Variants in CFAP47 observed in about 807,000 individuals in gnomAD.
CFAP47 encodes cilia- and flagella-associated protein 47.
A neutral mutation model predicts 148.1 loss-of-function variants in CFAP47; 29 were observed. That is an observed-to-expected ratio of 0.20 (90% CI 0.15 to 0.27). The LOEUF is 0.27. Ranked by LOEUF, CFAP47 falls within the 10% of genes least tolerant of loss-of-function variation. The probability of loss-of-function intolerance (pLI) is 1.00; values close to 1 mark genes in which losing one functional copy is unlikely to be tolerated. For missense variants in CFAP47, 1,872 were observed against 1,697.5 expected (o/e 1.10, Z -1.81); for synonymous variants, 664 against 577.3 (o/e 1.15, Z -2.15).
intron 2 of CFAP47, among the ~76,000 whole-genome samples, chrX:35,936,597 A>C (rs770944343): frequency 9.1e-6 from 1 of 110,037 alleles, no homozygotes; most frequent in Admixed American, 9.8e-5. Flanking sequence ...TTGAATGCTA[A>C]ATTTTTTTTT....
In CFAP47 at chrX:35,951,886, C is replaced by G; in HGVS notation, c.969C>G (p.Ile323Met). Residue 323 changes from isoleucine (I) to methionine (M), a missense_variant, in exon 6 of 64, where the codon ATC becomes ATG. Transcript: ENST00000378653. ...IRKIKNIDTT[I>M]IISCLPNEGT... ...AAATAAAGAACATAGATACTACTAT[C>G]ATTATCTCCTGTCTTCCTAATGAAG... 1 of 1,176,374 alleles carries G rather than the reference C, an allele frequency of 8.5e-7. No individual in the cohort carries two copies. Among genetic ancestry groups the G allele is most frequent in the Non-Finnish European group, 1.1e-6 (1 of 884,983 alleles).
intron 15 of CFAP47, among the ~76,000 whole-genome samples, chrX:35,984,111 G>A (rs1000445710): frequency 4.5e-5 from 5 of 111,139 alleles, no homozygotes; most frequent in African/African-American, 1.6e-4. Flanking sequence ...CTGGTTGGTA[G>A]GGTTTCTACT....
At chrX:36,271,028 G>T (rs1556001762) in intron 49 of CFAP47, among the ~76,000 whole-genome samples, 1 of 110,229 alleles carries the variant, frequency 9.1e-6, no homozygotes. Flanking sequence ...GTCCTCTAAT[G>T]AAGGGGCAAT....
At chrX:36,351,332 A>G (rs1259441349) in intron 59 of CFAP47, among the ~76,000 whole-genome samples, 1 of 111,980 alleles carries the variant, frequency 8.9e-6, no homozygotes, top group Non-Finnish European at 1.9e-5. Context: ...ATATTTCACA[A>G]ACTTGTCATA....
chrX:36,371,857 TGC>T lies in CFAP47; in HGVS notation c.9185+4731_9185+4732del, dbSNP rs782693571. On this transcript the variant is annotated intron_variant, in intron 62 of 63. Coordinates refer to ENST00000378653, the MANE Select transcript of CFAP47 (RefSeq NM_001304548.2). ...GTGTGTATATGTGTGTATATATGTG[TGC>T]ATATACACACATGTGTATATATGTG... is the stretch of plus-strand genomic sequence containing the variant. 1.9e-4 allele frequency among the ~76,000 whole-genome samples: 14 copies of T among 74,883 alleles called. 4 individuals are homozygous for T. The highest frequency in any genetic ancestry group is 8.4e-4 in the African/African-American group (14 of 16,590). 65.0% of individuals were successfully genotyped at this position (74,883 alleles called of 115,157 possible).
intron 62 of CFAP47, among the ~76,000 whole-genome samples, 184 bp from the exon 63 acceptor site, chrX:36,379,166 C>A (rs782047028): frequency 8.9e-6 from 1 of 112,124 alleles, no homozygotes; most frequent in South Asian, 3.7e-4. Flanking sequence ...CATTTTGTCA[C>A]CCTGAGAAGA....
chrX:36,215,523 G>A (rs1940150266), intron 45 of CFAP47, among the ~76,000 whole-genome samples: 1 of 110,085 alleles, frequency 9.1e-6, no homozygotes, highest in African/African-American at 3.3e-5. Flanking sequence ...GAGGAACCTG[G>A]AAAAAAAGAC....
chrX:36,103,953 CAT>C (rs1938425106), intron 32 of CFAP47, among the ~76,000 whole-genome samples: 2 of 111,763 alleles, frequency 1.8e-5, no homozygotes, highest in Non-Finnish European at 3.8e-5. Context: ...CCTAATAAAA[CAT>C]GTGGTGTACA....
chrX:36,081,908 C>T (rs1385203587), intron 29 of CFAP47, among the ~76,000 whole-genome samples: 1 of 111,148 alleles, frequency 9.0e-6, no homozygotes, highest in Non-Finnish European at 1.9e-5. Flanking sequence ...GAACCATTTC[C>T]CTTGAGTACT....
chrX:36,170,101 A>T (rs754679417), intron 39 of CFAP47, among the ~76,000 whole-genome samples: 6 of 111,308 alleles, frequency 5.4e-5, no homozygotes, highest in Non-Finnish European at 1.1e-4. Context: ...GTTACAACAC[A>T]CAAGTTCCAA....
rs909648438 is a variant in CFAP47, at chrX:36,203,187, T to C, written c.6663+1687T>C. Among the ~76,000 whole-genome samples, 28 of 111,563 alleles carry C rather than the reference T, an allele frequency of 2.5e-4. 2 individuals are homozygous for C. The highest frequency in any genetic ancestry group is 7.5e-5 in the Non-Finnish European group (4 of 53,180). On this transcript the variant is annotated intron_variant, in intron 44 of 63. Transcript: ENST00000378653. ...TTGACTGCACCGTGCTTCTAAGAAG[T>C]TGATGGTTTTCTTTAGCTCAAACCA...
intron 6 of CFAP47, among the ~76,000 whole-genome samples, chrX:35,952,610 A>G (rs1936183568): frequency 8.9e-6 from 1 of 111,856 alleles, no homozygotes; most frequent in Non-Finnish European, 1.9e-5. Flanking sequence ...GTGAGAGGGT[A>G]ATGTTTAATG....
At chrX:36,277,812 G>T (rs1347157117) in intron 49 of CFAP47, among the ~76,000 whole-genome samples, 2 of 112,263 alleles carry the variant, frequency 1.8e-5, no homozygotes, top group South Asian at 3.7e-4. Flanking sequence ...TTACCATCTT[G>T]TCAAGTCTCT....
Position 36,317,340 on chromosome X carries a change from A to T in CFAP47, c.8345-1869A>T, listed in dbSNP as rs1941442597. ...TTTTAAAATATTTGAATTAAGAAAT[A>T]AATAGTATTGAGAAATTTGAGACTT... is the stretch of plus-strand genomic sequence containing the variant. On this transcript the variant is annotated intron_variant, in intron 56 of 63. Transcript: ENST00000378653. Among the ~76,000 whole-genome samples, 3 of 111,564 alleles carry T rather than the reference A, an allele frequency of 2.7e-5. No homozygotes were observed. In the Admixed American group the frequency reaches 2.9e-4, roughly 11 times the overall value.
intron 15 of CFAP47, among the ~76,000 whole-genome samples, chrX:35,984,222 C>A (rs764421710): frequency 1.8e-5 from 2 of 111,125 alleles, no homozygotes; most frequent in Non-Finnish European, 3.8e-5. Flanking sequence ...TTATCTATTT[C>A]TTGTAGGCCT....
In CFAP47 at chrX:36,085,258, TCCCCCA is replaced by T; in HGVS notation, c.4692-55_4692-50del. The T allele has an allele frequency of 5.5e-6, 4 of 723,184 alleles. No homozygotes were observed. In the African/African-American group the frequency reaches 6.4e-5, roughly 12 times the overall value. The allele number at this position is 723,184 out of a possible 1,213,427, so 59.6% of individuals were successfully genotyped here. A position where few individuals can be genotyped will look rare whatever the true frequency, so the allele number is the denominator to read the frequency against. ...TCATTGAATTGAACATGTTTTTTTT[TCCCCCA>T]TACTATAACATTTTGAGACTGTTTT... On this transcript the variant is annotated intron_variant, in intron 29 of 63. Transcript: ENST00000378653.
intron 46 of CFAP47, among the ~76,000 whole-genome samples, chrX:36,232,905 T>G (rs1338665767): frequency 6.9e-4 from 78 of 112,274 alleles, no homozygotes; most frequent in African/African-American, 2.3e-3. Context: ...GTTGTTCAGT[T>G]TCCATGTAAT....
chrX:36,139,924 C>A (rs1373932833), intron 35 of CFAP47, among the ~76,000 whole-genome samples: 2 of 109,869 alleles, frequency 1.8e-5, no homozygotes, highest in African/African-American at 6.6e-5. Flanking sequence ...TTTTTTGGTA[C>A]AATTGTAAAG....
intron 2 of CFAP47, among the ~76,000 whole-genome samples, chrX:35,935,708 C>G (rs1935902162): frequency 9.1e-6 from 1 of 109,417 alleles, no homozygotes; most frequent in Non-Finnish European, 1.9e-5. Flanking sequence ...GTGACAAGTT[C>G]TTTTAGTTTT....
Sources: gnomAD v4.1 joint callset for allele counts (sites outside exome capture counted in the v4.1 genomes callset) on GRCh38, gnomAD v4.1.1 for gene constraint, MANE v1.5 for transcripts, NCBI Gene and HGNC (gene_info 2026-07-23, HGNC 2026-07-21) for gene names.